The following SYT9 variants were observed in gnomAD, a reference collection of about 807,000 sequenced individuals.
SYT9 encodes synaptotagmin-9.
SYT9 carries 22 observed loss-of-function variants against 48.4 expected under a neutral mutation model. That is an observed-to-expected ratio of 0.45 (90% CI 0.32 to 0.65). The LOEUF (loss-of-function observed/expected upper bound fraction) is 0.65. SYT9 is among the 30% of genes least tolerant of loss of function. The pLI is 0.03. For synonymous variants in SYT9, 265 were observed against 245.0 expected (o/e 1.08, Z -0.76); for missense variants, 577 against 622.0 (o/e 0.93, Z 0.77).
At chr11:7,343,785 C>T (rs10743016) in intron 3 of SYT9, among the ~76,000 whole-genome samples, 146,952 of 152,280 alleles carry the variant, frequency 0.97, 70,975 homozygotes, top group East Asian at 0.98. Context: ...CTGGGTAATT[C>T]ATAAAGAAAA....
At chr11:7,287,712 G>A (rs1043494654) in intron 1 of SYT9, among the ~76,000 whole-genome samples, 1 of 152,074 alleles carries the variant, frequency 6.6e-6, no homozygotes, top group Non-Finnish European at 1.5e-5. Flanking sequence ...TTCCTCTTGA[G>A]ATAATCTTCA....
intron 2 of SYT9, among the ~76,000 whole-genome samples, chr11:7,309,253 C>T (rs1564856396): frequency 6.6e-6 from 1 of 152,138 alleles, no homozygotes; most frequent in Non-Finnish European, 1.5e-5. Context: ...CCCCAGCAGC[C>T]AGCTTCTCTA....
intron 3 of SYT9, among the ~76,000 whole-genome samples, chr11:7,404,436 G>A (rs527255546): frequency 5.9e-5 from 9 of 151,266 alleles, no homozygotes; most frequent in East Asian, 1.9e-4. Flanking sequence ...CATTGATTTC[G>A]TCTCCTTTTT....
chr11:7,374,353 T>C (rs1466136626), intron 3 of SYT9, among the ~76,000 whole-genome samples: 2 of 152,216 alleles, frequency 1.3e-5, no homozygotes, highest in Non-Finnish European at 2.9e-5. Context: ...AAGTCTTTGC[T>C]ATTGTGGATA....
chr11:7,369,925 T>TG (rs1850331577), intron 3 of SYT9, among the ~76,000 whole-genome samples: 1 of 152,246 alleles, frequency 6.6e-6, no homozygotes, highest in African/African-American at 2.4e-5. Flanking sequence ...CATAAGTTTT[T>TG]GGGGTACAGG....
chr11:7,337,438 G>C (rs1040154902), intron 3 of SYT9, among the ~76,000 whole-genome samples: 1 of 152,112 alleles, frequency 6.6e-6, no homozygotes, highest in Non-Finnish European at 1.5e-5. Flanking sequence ...TTCATGTCTT[G>C]TGCCAGTTTT....
intron 3 of SYT9, among the ~76,000 whole-genome samples, chr11:7,334,028 C>G (rs1849590292): frequency 6.6e-6 from 1 of 152,068 alleles, no homozygotes. Flanking sequence ...AAGAAGGATG[C>G]TTGGAGGAAA....
At chr11:7,282,085 GGCT>G (rs1160955610) in intron 1 of SYT9, among the ~76,000 whole-genome samples, 1 of 152,136 alleles carries the variant, frequency 6.6e-6, no homozygotes, top group Non-Finnish European at 1.5e-5. Context: ...CCAGCAACTT[GGCT>G]GCTATTTCAG....
intron 1 of SYT9, among the ~76,000 whole-genome samples, chr11:7,301,597 G>A (rs1046276362): frequency 2.0e-5 from 3 of 152,216 alleles, no homozygotes; most frequent in Non-Finnish European, 2.9e-5. Context: ...TCCTTCGTTA[G>A]AATATGAATC....
At chr11:7,358,059 T>C (rs1439450462) in intron 3 of SYT9, among the ~76,000 whole-genome samples, 4 of 152,012 alleles carry the variant, frequency 2.6e-5, no homozygotes, top group Non-Finnish European at 4.4e-5. Flanking sequence ...TAAAAAAGTA[T>C]AAAAGTGGGA....
chr11:7,321,142 A>G (rs1849331701), intron 3 of SYT9, among the ~76,000 whole-genome samples: 1 of 152,206 alleles, frequency 6.6e-6, no homozygotes, highest in South Asian at 2.1e-4. Context: ...ATGTAATGAC[A>G]GTAGAAGTAA....
chr11:7,254,744 T>C (rs983957505), intron 1 of SYT9, among the ~76,000 whole-genome samples: 2 of 152,186 alleles, frequency 1.3e-5, no homozygotes, highest in African/African-American at 2.4e-5. Context: ...CACCCTGTGA[T>C]AGCTAGGTTT....
chr11:7,408,448 A>G (rs890976282), intron 3 of SYT9, among the ~76,000 whole-genome samples: 3 of 152,182 alleles, frequency 2.0e-5, no homozygotes, highest in Admixed American at 1.3e-4. Context: ...TCATTTTAAC[A>G]TTATTAATTC....
chr11:7,466,279 TC>T (rs1564913576), intron 6 of SYT9, among the ~76,000 whole-genome samples: 1 of 152,164 alleles, frequency 6.6e-6, no homozygotes, highest in Non-Finnish European at 1.5e-5. Context: ...CTTTCTCCCT[TC>T]CCATTGCCCC....
At chr11:7,384,062 CCACACACACACACACA>C (rs3086255) in intron 3 of SYT9, among the ~76,000 whole-genome samples, 4 of 149,626 alleles carry the variant, frequency 2.7e-5, no homozygotes, top group African/African-American at 7.4e-5. Flanking sequence ...AATTCACTAG[CCACACACACACACACA>C]CACACACACA....
At chr11:7,455,603 G>A (rs1351431494) in intron 6 of SYT9, among the ~76,000 whole-genome samples, 1 of 151,918 alleles carries the variant, frequency 6.6e-6, no homozygotes, top group Non-Finnish European at 1.5e-5. Context: ...GCCTCCCAAA[G>A]TTCTGGGATT....
At chr11:7,329,245 T>A (rs547561095) in intron 3 of SYT9, among the ~76,000 whole-genome samples, 13 of 152,338 alleles carry the variant, frequency 8.5e-5, no homozygotes, top group African/African-American at 3.1e-4. Flanking sequence ...ATAGTGCAGC[T>A]GGGTAATTTC....
chr11:7,401,343 A>G, intron 3 of SYT9, among the ~76,000 whole-genome samples: 1 of 150,812 alleles, frequency 6.6e-6, no homozygotes, highest in East Asian at 1.9e-4. Flanking sequence ...ATATAATGCA[A>G]ATATATATAT....
chr11:7,274,519 T>C (rs1434442222), intron 1 of SYT9, among the ~76,000 whole-genome samples: 2 of 152,154 alleles, frequency 1.3e-5, no homozygotes, highest in South Asian at 2.1e-4. Flanking sequence ...GGTTTCGCCA[T>C]GTTGGCCAGG....
Sources: gnomAD v4.1 joint callset for allele counts (sites outside exome capture counted in the v4.1 genomes callset) on GRCh38, gnomAD v4.1.1 for gene constraint, MANE v1.5 for transcripts, NCBI Gene and HGNC (gene_info 2026-07-23, HGNC 2026-07-21) for gene names.